Variants in MYO5B observed in about 807,000 individuals in gnomAD.
MYO5B encodes unconventional myosin-Vb.
Under a neutral mutation model 229.3 loss-of-function variants are expected in MYO5B, and 143 were observed. That is an observed-to-expected ratio of 0.62 (90% CI 0.54 to 0.72). The LOEUF (loss-of-function observed/expected upper bound fraction) is 0.72, where lower values mean the gene tolerates loss of function less well. MYO5B is among the 30% of genes least tolerant of loss of function. The pLI is 0.00. For synonymous variants in MYO5B, 918 were observed against 885.2 expected (o/e 1.04, Z -0.66); for missense variants, 2,321 against 2,331.0 (o/e 1.00, Z 0.09).
chr18:50,070,018 C>CTTTTTTTTTTTTTTTTTTT (rs765610800), intron 1 of MYO5B, among the ~76,000 whole-genome samples: 1 of 110,070 alleles, frequency 9.1e-6, no homozygotes, highest in African/African-American at 3.8e-5. Context: ...GCAATTTAGT[C>CTTTTTTTTTTTTTTTTTTT]TTTTTTTTTT....
rs997970923 is a variant in MYO5B, at chr18:50,123,161, T to C, written c.28-67783A>G. On this transcript the variant is annotated intron_variant, in intron 1 of 39. Coordinates refer to ENST00000285039, the MANE Select transcript of MYO5B (RefSeq NM_001080467.3). ...ACTATGCAGGTGAACCTCAAAAATATGCTAAGTCAAAGAAGTCAGGCACAA... is the reference window on the plus strand; with the variant it reads ...ACTATGCAGGTGAACCTCAAAAATACGCTAAGTCAAAGAAGTCAGGCACAA... 4.6e-5 allele frequency among the ~76,000 whole-genome samples: 7 copies of C among 152,246 alleles called. No individual in the cohort carries two copies. The East Asian group carries it at 5.8e-4, about 13-fold the overall frequency.
intron 1 of MYO5B, among the ~76,000 whole-genome samples, chr18:50,125,135 A>T (rs2032137994): frequency 1.3e-5 from 2 of 152,086 alleles, no homozygotes; most frequent in Admixed American, 6.5e-5. Context: ...ACAGAGCGCA[A>T]ACCTACCTTT....
chr18:49,861,113 A>G (rs913748740), intron 29 of MYO5B, among the ~76,000 whole-genome samples: 1 of 152,016 alleles, frequency 6.6e-6, no homozygotes, highest in Non-Finnish European at 1.5e-5. Context: ...TCAGGCCTCC[A>G]CTCCCCAGGG....
At chr18:49,942,513 T>A (rs960182173) in intron 14 of MYO5B, among the ~76,000 whole-genome samples, 1 of 151,228 alleles carries the variant, frequency 6.6e-6, no homozygotes, top group Non-Finnish European at 1.5e-5. Context: ...CAAACAAATT[T>A]ACAAGAAAAA....
chr18:50,069,757 T>TA (rs962543903), intron 1 of MYO5B, among the ~76,000 whole-genome samples: 5 of 151,898 alleles, frequency 3.3e-5, no homozygotes, highest in African/African-American at 9.7e-5. Flanking sequence ...CTCAGATCCC[T>TA]AAAAAAAACT....
intron 2 of MYO5B, among the ~76,000 whole-genome samples, chr18:50,047,100 C>A (rs530743819): frequency 0.038 from 5,789 of 152,002 alleles, 365 homozygotes; most frequent in African/African-American, 0.13. Flanking sequence ...GGATCTAATT[C>A]AACTAAAGAG....
At chr18:50,161,417 G>A (rs1461470065) in intron 1 of MYO5B, among the ~76,000 whole-genome samples, 3 of 151,194 alleles carry the variant, frequency 2.0e-5, no homozygotes, top group Admixed American at 6.6e-5. Context: ...ATGAAGGACC[G>A]CTCCCCTCTA....
chr18:49,928,192 C>A (rs2025150753), intron 17 of MYO5B, among the ~76,000 whole-genome samples: 1 of 152,152 alleles, frequency 6.6e-6, no homozygotes, highest in Non-Finnish European at 1.5e-5. Context: ...GGGGATACCA[C>A]CTTACTCCTG....
At position 49,954,385 on chromosome 18, in the gene MYO5B, G is replaced by A. The variant is rs769500972; in HGVS notation, c.1596C>T (p.His532=). The change falls in exon 13 of 40, where the codon CAC becomes CAT. Residue 532 remains histidine (H), a synonymous_variant. Coordinates refer to ENST00000285039, the MANE Select transcript of MYO5B (RefSeq NM_001080467.3). ...GCTTCTGGAAGTGCTGGCTGCTGGA[G>A]TGCCGGTCATAGAGCTTCTGAGCCC... ...QNWAQKLYDR[H]SSSQHFQKPR... The A allele has an allele frequency of 2.5e-6, 4 of 1,613,936 alleles. No individual in the cohort carries two copies. The highest frequency in any genetic ancestry group is 3.4e-6 in the Non-Finnish European group (4 of 1,179,996).
chr18:49,963,036 G>C lies in MYO5B; in HGVS notation c.1323-6C>G. On this transcript the variant is annotated splice_polypyrimidine_tract_variant and splice_region_variant and intron_variant, in intron 10 of 39. Coordinates refer to ENST00000285039, the MANE Select transcript of MYO5B (RefSeq NM_001080467.3). Reference sequence around the variant, plus strand: ...TTACCTCAAATGTCTCAAACCTACAGAATGGAAAGAGAAGATAAGAGACGT... The same window carrying C: ...TTACCTCAAATGTCTCAAACCTACACAATGGAAAGAGAAGATAAGAGACGT... 6.2e-7 allele frequency: 1 copy of C among 1,611,668 alleles called. No individual in the cohort carries two copies. The highest frequency in any genetic ancestry group is 1.1e-5 in the South Asian group (1 of 91,034).
chr18:49,839,765 G>T, intron 35 of MYO5B: 1 of 227,056 alleles, frequency 4.4e-6, no homozygotes, highest in Non-Finnish European at 8.9e-6. Context: ...AGAATTAATA[G>T]ATGAACTAAA....
rs61737447 is a variant in MYO5B, at chr18:49,894,985, T to A, written c.3001A>T (p.Ile1001Phe). Residue 1001 changes from isoleucine (I) to phenylalanine (F), a missense_variant, in exon 22 of 40, where the codon ATC becomes TTC. Transcript: ENST00000285039. ...ELQRAHSERKILEDAHSREKD... is the reference protein window; with the variant it reads ...ELQRAHSERKFLEDAHSREKD... ...TCCCTGCTGTGGGCGTCCTCCAAGA[T>A]CTTGCGCTCCGAGTGGGCCCTCTGC... The A allele has an allele frequency of 2.3e-4, 373 of 1,613,792 alleles. 5 individuals carry two copies. In the African/African-American group the frequency reaches 4.5e-3, roughly 20 times the overall value.
intron 33 of MYO5B, among the ~76,000 whole-genome samples, chr18:49,844,267 G>C (rs1229858144): frequency 6.6e-6 from 1 of 152,240 alleles, no homozygotes; most frequent in East Asian, 1.9e-4. Context: ...GGTGGTAGAA[G>C]GCCAGAGAAC....
chr18:49,929,495 G>A lies in MYO5B; in HGVS notation c.2090+17C>T. The stretch of plus-strand genomic sequence containing the variant: ...CTAGGGCAGCCCCAGGAGGCAGCTG[G>A]CGGGCACGTTAGTTACCTGGATGGG... On this transcript the variant is annotated intron_variant, in intron 17 of 39. Transcript: ENST00000285039. 6.3e-7 allele frequency: 1 copy of A among 1,594,632 alleles called. No homozygotes were observed. Among genetic ancestry groups the A allele is most frequent in the South Asian group, 1.1e-5 (1 of 88,322 alleles).
intron 1 of MYO5B, among the ~76,000 whole-genome samples, chr18:50,179,672 C>T (rs1420587827): frequency 6.6e-6 from 1 of 152,156 alleles, no homozygotes; most frequent in Non-Finnish European, 1.5e-5. Context: ...GGCAATGCAC[C>T]CCTGCTGCTG....
chr18:50,179,774 A>C (rs560057875), intron 1 of MYO5B, among the ~76,000 whole-genome samples: 1 of 152,296 alleles, frequency 6.6e-6, no homozygotes, highest in Admixed American at 6.5e-5. Context: ...CAGTTCTCAG[A>C]CCAGCTAAGC....
chr18:49,897,592 T>C lies in MYO5B; in HGVS notation c.2812-2418A>G, dbSNP rs201550124. 5.9e-5 allele frequency among the ~76,000 whole-genome samples: 9 copies of C among 152,262 alleles called. No homozygotes were observed. The East Asian group carries it at 1.2e-3, about 20-fold the overall frequency. On this transcript the variant is annotated intron_variant, in intron 21 of 39. Transcript: ENST00000285039. ...ATAAATTTTAAAAATAGAAAAAAGC[T>C]TACAGAATAAGGATATCAAGAAATA...
chr18:49,872,566 G>A lies in MYO5B; in HGVS notation c.3538-334C>T, dbSNP rs189339206. Among the ~76,000 whole-genome samples the A allele has an allele frequency of 1.6e-3, 240 of 152,292 alleles. 2 individuals carry two copies. Among genetic ancestry groups the A allele is most frequent in the Admixed American group, 0.013 (202 of 15,302 alleles). Reference sequence around the variant, plus strand: ...TCTGAAGTCCTCACCCCTAGAAACTGTGAATGTGACCTTATTTGCAAATAG... The same window carrying A: ...TCTGAAGTCCTCACCCCTAGAAACTATGAATGTGACCTTATTTGCAAATAG... On this transcript the variant is annotated intron_variant, in intron 26 of 39. Transcript: ENST00000285039.
chr18:50,015,468 T>G (rs917864964), intron 4 of MYO5B, among the ~76,000 whole-genome samples: 28 of 152,234 alleles, frequency 1.8e-4, no homozygotes, highest in Admixed American at 6.5e-5. Flanking sequence ...CTGACTATTT[T>G]CAGTAATAGT....
Sources: gnomAD v4.1 joint callset for allele counts (sites outside exome capture counted in the v4.1 genomes callset) on GRCh38, gnomAD v4.1.1 for gene constraint, MANE v1.5 for transcripts, NCBI Gene and HGNC (gene_info 2026-07-23, HGNC 2026-07-21) for gene names.